Variants in FCHSD2 observed in about 807,000 individuals in gnomAD.
FCHSD2 encodes FCH and double SH3 domains 2, also known as F-BAR and double SH3 domains protein 2.
A neutral mutation model predicts 108.1 loss-of-function variants in FCHSD2; 38 were observed. The observed-to-expected ratio is 0.35, with a 90% CI of 0.27 to 0.46. The LOEUF (loss-of-function observed/expected upper bound fraction) is 0.46, where lower values mean the gene tolerates loss of function less well. Among genes scored for constraint, FCHSD2 ranks in the 20% least tolerant of loss-of-function variants. The pLI is 1.00. For synonymous variants in FCHSD2, 279 were observed against 314.7 expected, an observed-to-expected ratio of 0.89 and a Z score of 1.20; for missense variants, 751 against 897.8, an observed-to-expected ratio of 0.84 and a Z score of 2.09.
In FCHSD2 at chr11:72,838,830, T is replaced by C. The variant is rs762680972; in HGVS notation, c.2184A>G (p.Pro728=). Residue 728 remains proline, a synonymous_variant, in exon 20 of 20, where the codon CCA becomes CCG. Coordinates refer to ENST00000409418, the MANE Select transcript of FCHSD2 (RefSeq NM_014824.3). The part of the protein sequence containing the change: ...PPPPTQNHRR[P]AEKIEDVEIT... ...TTTCCACATCTTCAATCTTCTCTGC[T>C]GGCCTTCGGTGATTCTGTGTAGGTG... is the stretch of plus-strand genomic sequence containing the variant. 1 of 1,608,362 alleles carries C rather than the reference T, an allele frequency of 6.2e-7. No individual in the cohort carries two copies. The highest frequency in any genetic ancestry group is 1.3e-5 in the African/African-American group (1 of 75,000).
intron 3 of FCHSD2, among the ~76,000 whole-genome samples, chr11:73,067,229 C>T (rs901399082): frequency 6.6e-6 from 1 of 151,924 alleles, no homozygotes; most frequent in Admixed American, 6.6e-5. Context: ...CAAACTATCA[C>T]AACAGAAAAC....
At chr11:73,136,819 CAGG>C (rs1861130317) in intron 2 of FCHSD2, among the ~76,000 whole-genome samples, 1 of 152,094 alleles carries the variant, frequency 6.6e-6, no homozygotes, top group South Asian at 2.1e-4. Context: ...CACTTGAGGT[CAGG>C]AGTTCAAAAG....
At chr11:72,963,836 G>A (rs960430990) in intron 8 of FCHSD2, among the ~76,000 whole-genome samples, 11 of 152,298 alleles carry the variant, frequency 7.2e-5, no homozygotes, top group African/African-American at 1.9e-4. Context: ...CCTGCTGTGC[G>A]GCCTGGTTCC....
intron 4 of FCHSD2, among the ~76,000 whole-genome samples, chr11:73,008,715 A>T (rs1450321561): frequency 6.6e-6 from 1 of 152,214 alleles, no homozygotes; most frequent in Admixed American, 6.5e-5. Flanking sequence ...AAGATTTTCA[A>T]GCAGGGGAGT....
intron 12 of FCHSD2, among the ~76,000 whole-genome samples, chr11:72,881,189 T>C (rs1855079627): frequency 1.3e-5 from 2 of 152,128 alleles, no homozygotes; most frequent in African/African-American, 4.8e-5. Flanking sequence ...CAAAATACCA[T>C]GTAATCTTAT....
chr11:72,922,126 T>C (rs1388178175), intron 8 of FCHSD2, among the ~76,000 whole-genome samples, 176 bp from the exon 9 acceptor site: 3 of 152,186 alleles, frequency 2.0e-5, no homozygotes, highest in East Asian at 1.9e-4. Flanking sequence ...TGAGAAAATG[T>C]TGAATCTCTC....
At position 72,890,672 on chromosome 11, in the gene FCHSD2, CT is replaced by C. The variant is rs750371941; in HGVS notation, c.925-728del. ...GTACTATGGAAAGTGCTTCATATAA[CT>C]TTTTTTTTTTTTAACAACCTGATGA... is the stretch of plus-strand genomic sequence containing the variant. On this transcript the variant is annotated intron_variant, in intron 10 of 19. Transcript: ENST00000409418. Among the ~76,000 whole-genome samples, 346 of 145,190 alleles carry C rather than the reference CT, an allele frequency of 2.4e-3. 2 individuals are homozygous for C. The highest frequency in any genetic ancestry group is 4.4e-3 in the East Asian group (22 of 5,028).
chr11:72,972,345 T>C (rs1385035587), intron 8 of FCHSD2, among the ~76,000 whole-genome samples: 2 of 152,222 alleles, frequency 1.3e-5, no homozygotes, highest in African/African-American at 4.8e-5. Flanking sequence ...TAGACCTCTA[T>C]AAGAAATTTG....
chr11:73,074,921 C>T (rs539029487), intron 3 of FCHSD2, among the ~76,000 whole-genome samples: 29 of 151,858 alleles, frequency 1.9e-4, no homozygotes, highest in Non-Finnish European at 3.4e-4. Context: ...CAAGGATGGA[C>T]GGACAGACAG....
At chr11:73,140,278 G>A (rs1293633391) in intron 1 of FCHSD2, 150 bp from the exon 2 acceptor site, 3 of 532,008 alleles carry the variant, frequency 5.6e-6, no homozygotes, top group Non-Finnish European at 3.3e-6. Context: ...TTTATTTATT[G>A]AAGATACTTA....
chr11:72,863,324 T>C (rs1309374728), intron 13 of FCHSD2, among the ~76,000 whole-genome samples: 2 of 152,214 alleles, frequency 1.3e-5, no homozygotes, highest in Non-Finnish European at 2.9e-5. Flanking sequence ...CTCTGACTTA[T>C]TCTGTTTACC....
chr11:72,898,231 T>G (rs1015605844), intron 10 of FCHSD2, among the ~76,000 whole-genome samples: 8 of 152,186 alleles, frequency 5.3e-5, no homozygotes, highest in Non-Finnish European at 1.2e-4. Context: ...TGGGTTATAT[T>G]AAAAAGTTAA....
Position 72,849,764 on chromosome 11 carries a change from A to G in FCHSD2, c.1434T>C (p.Tyr478=), listed in dbSNP as rs775903756. 1 of 1,610,930 alleles carries G rather than the reference A, an allele frequency of 6.2e-7. No individual in the cohort carries two copies. The highest frequency in any genetic ancestry group is 8.5e-7 in the Non-Finnish European group (1 of 1,177,910). The change falls in exon 14 of 20, where the codon TAT becomes TAC. Residue 478 remains tyrosine (Y), a synonymous_variant. Coordinates refer to ENST00000409418, the MANE Select transcript of FCHSD2 (RefSeq NM_014824.3). ...RNYPLTCKVV[Y]SYKASQPDEL... is the part of the protein sequence containing the mutation. ...TTGGAGAAATACAAACCTTGTAGGA[A>G]TAAACAACTTTGCAGGTGAGTGGAT...
At chr11:73,109,590 T>A (rs1860433800) in intron 2 of FCHSD2, among the ~76,000 whole-genome samples, 1 of 152,208 alleles carries the variant, frequency 6.6e-6, no homozygotes, top group Admixed American at 6.5e-5. Flanking sequence ...CTGAATTTAA[T>A]GGTTTTTTAG....
chr11:73,078,313 C>T (rs1404609683), intron 3 of FCHSD2, among the ~76,000 whole-genome samples: 1 of 152,070 alleles, frequency 6.6e-6, no homozygotes, highest in Admixed American at 6.6e-5. Context: ...ACCACATGCC[C>T]GATGCCCTAG....
At chr11:72,857,498 G>A (rs1331794790) in intron 13 of FCHSD2, among the ~76,000 whole-genome samples, 2 of 149,384 alleles carry the variant, frequency 1.3e-5, no homozygotes, top group South Asian at 2.1e-4. Context: ...GAGTGCAATG[G>A]TGTGATCTCG....
At chr11:72,879,940 C>T (rs549931489) in intron 12 of FCHSD2, among the ~76,000 whole-genome samples, 35 of 144,268 alleles carry the variant, frequency 2.4e-4, no homozygotes, top group African/African-American at 3.1e-4. Flanking sequence ...CGGAGCTTGA[C>T]GTGAGCCGAG....
At position 72,887,556 on chromosome 11, in the gene FCHSD2, A is replaced by G. The variant is rs142618697; in HGVS notation, c.1060T>C (p.Cys354Arg). ...HQQRVLNDLE[C>R]HGAAVSEQSR... ...TGTTCTGATACAGCAGCTCCATGAC[A>G]CTCCAGATCATTTAGAACCTATTAA... is the stretch of plus-strand genomic sequence containing the variant. Residue 354 changes from cysteine to arginine, a missense_variant, in exon 12 of 20, where the codon TGT (cysteine) becomes CGT (arginine). Cys to Arg is a radical substitution (Grantham distance 180, BLOSUM62 -3). Coordinates refer to ENST00000409418, the MANE Select transcript of FCHSD2 (RefSeq NM_014824.3). The G allele has an allele frequency of 6.3e-7, 1 of 1,581,300 alleles. No homozygotes were observed. Among genetic ancestry groups the G allele is most frequent in the Non-Finnish European group, 8.6e-7 (1 of 1,167,642 alleles).
intron 3 of FCHSD2, among the ~76,000 whole-genome samples, chr11:73,049,982 TGA>T (rs1288775679): frequency 1.3e-5 from 2 of 152,192 alleles, no homozygotes; most frequent in Non-Finnish European, 2.9e-5. Flanking sequence ...CTGAATGCTT[TGA>T]GAGAGAGTGA....
Sources: gnomAD v4.1 joint callset for allele counts (sites outside exome capture counted in the v4.1 genomes callset) on GRCh38, gnomAD v4.1.1 for gene constraint, MANE v1.5 for transcripts, NCBI Gene and HGNC (gene_info 2026-07-23, HGNC 2026-07-21) for gene names.